Variants in UTP6 observed in about 807,000 individuals in gnomAD.
UTP6 encodes the protein UTP6 small subunit processome component.
In UTP6, 60 loss-of-function variants were observed where a neutral mutation model predicts 96.5. That is an observed-to-expected ratio of 0.62 (90% CI 0.51 to 0.77). UTP6 has a LOEUF of 0.77. Among genes scored for constraint, UTP6 ranks in the 30% least tolerant of loss-of-function variants. UTP6 has a pLI of 0.00. For missense variants in UTP6, 637 were observed against 706.5 expected (o/e 0.90, Z 1.12); for synonymous variants, 215 against 240.1 (o/e 0.90, Z 0.96).
intron 2 of UTP6, among the ~76,000 whole-genome samples, chr17:31,897,655 G>A (rs1227531031): frequency 6.6e-6 from 1 of 151,692 alleles, no homozygotes; most frequent in Non-Finnish European, 1.5e-5. Context: ...CACCATGTTG[G>A]CCAGGCTGGT....
chr17:31,894,856 T>C (rs1904540930), intron 3 of UTP6, 114 bp downstream of exon 3: 4 of 1,270,936 alleles, frequency 3.1e-6, no homozygotes, highest in Admixed American at 2.0e-5. Context: ...ATATCCATTA[T>C]AGGCATATCA....
At chr17:31,895,467 AATG>A (rs1364339135) in intron 2 of UTP6, among the ~76,000 whole-genome samples, 5 of 152,174 alleles carry the variant, frequency 3.3e-5, no homozygotes, top group Non-Finnish European at 7.3e-5. Context: ...ACTTTATTAT[AATG>A]ATGTCTTGAA....
chr17:31,873,800 A>G (rs1910332323), intron 14 of UTP6, 47 bp from the exon 15 acceptor site: 2 of 1,563,900 alleles, frequency 1.3e-6, no homozygotes, highest in South Asian at 2.4e-5. Flanking sequence ...CATATAACAA[A>G]ACATCGCATG....
chr17:31,877,106 C>T (rs536972310), intron 13 of UTP6, among the ~76,000 whole-genome samples: 52 of 152,260 alleles, frequency 3.4e-4, no homozygotes, highest in Admixed American at 1.3e-3. Flanking sequence ...CAGAGTTGGA[C>T]ATAACATAAA....
chr17:31,881,501 T>A (rs11080173), intron 10 of UTP6, among the ~76,000 whole-genome samples: 115,850 of 151,384 alleles, frequency 0.77, 44,664 homozygotes, highest in East Asian at 0.84. Context: ...ACTCTTGACC[T>A]CAAGTGATCC....
At chr17:31,873,577 A>G (rs1318665385) in intron 15 of UTP6, 90 bp from the exon 16 acceptor site, 3 of 1,602,614 alleles carry the variant, frequency 1.9e-6, no homozygotes, top group Admixed American at 1.7e-5. Context: ...AGGCCACTCC[A>G]TAGTGCTTTA....
Position 31,894,669 on chromosome 17 carries a change from G to A in UTP6, c.288C>T (p.Phe96=). The change falls in exon 4 of 19, where the codon TTC becomes TTT. Residue 96 remains phenylalanine (F), a synonymous_variant. Coordinates refer to ENST00000261708, the MANE Select transcript of UTP6 (RefSeq NM_018428.3). ...CTTTCCATTTTGCTGAGGCACGCTG[G>A]AAAACACCTTGTACCCGGTGTACAA... ...NSIVHRVQGV[F]QRASAKWKDD... 6.2e-7 allele frequency: 1 copy of A among 1,610,832 alleles called. No individual in the cohort carries two copies. Among genetic ancestry groups the A allele is most frequent in the East Asian group, 2.2e-5 (1 of 44,852 alleles).
intron 2 of UTP6, among the ~76,000 whole-genome samples, chr17:31,898,787 A>C (rs1904803148): frequency 6.6e-6 from 1 of 152,014 alleles, no homozygotes; most frequent in African/African-American, 2.4e-5. Flanking sequence ...CTGTAATCAT[A>C]GCACTCGCTT....
chr17:31,891,309 AC>A, intron 6 of UTP6, among the ~76,000 whole-genome samples: 1 of 152,270 alleles, frequency 6.6e-6, no homozygotes, highest in Middle Eastern at 3.4e-3. Context: ...TGGATCCCCT[AC>A]CTACTGATAT....
intron 16 of UTP6, among the ~76,000 whole-genome samples, chr17:31,868,596 G>A (rs533135584): frequency 1.3e-5 from 2 of 152,062 alleles, no homozygotes; most frequent in East Asian, 3.9e-4. Context: ...CTTCCAAAGT[G>A]CTAGGATTAC....
intron 14 of UTP6, 73 bp downstream of exon 14, chr17:31,875,161 A>C: frequency 6.4e-7 from 1 of 1,563,164 alleles, no homozygotes; most frequent in Non-Finnish European, 8.7e-7. Context: ...AGACAAGTAC[A>C]TTCCAAATGA....
chr17:31,880,425 TAAAA>T (rs775836222), intron 11 of UTP6, 144 bp downstream of exon 11: 646 of 666,244 alleles, frequency 9.7e-4, no homozygotes, highest in Non-Finnish European at 1.1e-3. Context: ...TGCCTCCCAA[TAAAA>T]AAAAAAAAAA....
chr17:31,883,197 A>G (rs1159843854), intron 10 of UTP6, among the ~76,000 whole-genome samples: 2 of 152,216 alleles, frequency 1.3e-5, no homozygotes, highest in Admixed American at 6.5e-5. Flanking sequence ...AAATAAAAAT[A>G]TAATAAAGAA....
chr17:31,894,685 C>A lies in UTP6; in HGVS notation c.272G>T (p.Arg91Leu), dbSNP rs775119896. ...KDEIENSIVH[R>L]VQGVFQRASA... The stretch of plus-strand genomic sequence containing the variant: ...GGCACGCTGGAAAACACCTTGTACC[C>A]GGTGTACAATAGAATTCTCAATCTC... The change falls in exon 4 of 19, where the codon CGG (arginine) becomes CTG (leucine). Residue 91 changes from arginine (R) to leucine (L), a missense_variant. Physicochemically the swap from Arg to Leu is moderately radical, Grantham distance 102. Transcript: ENST00000261708. 3 of 1,611,586 alleles carry A rather than the reference C, an allele frequency of 1.9e-6. No individual in the cohort carries two copies. Among genetic ancestry groups the A allele is most frequent in the East Asian group, 4.5e-5 (2 of 44,852 alleles).
rs1465221378 is a variant in UTP6 at position 31,899,683 on chromosome 17, C to T, written c.140G>A (p.Arg47Lys). The change falls in exon 2 of 19, where the codon AGA becomes AAA. Residue 47 changes from arginine to lysine, a missense_variant. Transcript: ENST00000261708. ...GATAAAGTCTTCCTTGAAAAGGGTTCTTCTCTGGATTTTGTACTCTAGATC... is the reference window on the plus strand; with the variant it reads ...GATAAAGTCTTCCTTGAAAAGGGTTTTTCTCTGGATTTTGTACTCTAGATC... Reference protein sequence around the residue: ...ASDLEYKIQRRTLFKEDFINY... With the variant: ...ASDLEYKIQRKTLFKEDFINY... The T allele has an allele frequency of 1.2e-6, 2 of 1,606,554 alleles. No individual in the cohort carries two copies. Among genetic ancestry groups the T allele is most frequent in the Non-Finnish European group, 1.7e-6 (2 of 1,176,672 alleles).
chr17:31,889,204 T>C, intron 7 of UTP6, 81 bp downstream of exon 7: 1 of 1,093,064 alleles, frequency 9.1e-7, no homozygotes, highest in Non-Finnish European at 1.3e-6. Flanking sequence ...TAAGAATTGC[T>C]TGAATCCAGG....
chr17:31,900,595 TAATA>T (rs1295858823), intron 1 of UTP6, among the ~76,000 whole-genome samples: 1 of 152,214 alleles, frequency 6.6e-6, no homozygotes, highest in Non-Finnish European at 1.5e-5. Flanking sequence ...TGGCTGGTAT[TAATA>T]AAGACTTCTT....
intron 11 of UTP6, 113 bp from the exon 12 acceptor site, chr17:31,878,894 G>C: frequency 2.1e-6 from 2 of 944,862 alleles, no homozygotes; most frequent in Non-Finnish European, 3.2e-6. Context: ...TACTTCAAGG[G>C]GAAAACTCTC....
rs549601729 is a variant in UTP6, at chr17:31,896,017, GA to G, written c.178-1007del. Among the ~76,000 whole-genome samples, 465 of 123,860 alleles carry G rather than the reference GA, an allele frequency of 3.8e-3. 1 individual carries two copies. The highest frequency in any genetic ancestry group is 8.5e-3 in the African/African-American group (302 of 35,502). The allele number at this position is 123,860 out of a possible 152,430, so 81.3% of individuals were successfully genotyped here. ...CGGAGCGAGACTCCATCTCAAAAAA[GA>G]AAAAAAAAAAAAAGTTTGCTCTTAT... On this transcript the variant is annotated intron_variant, in intron 2 of 18. Transcript: ENST00000261708.
Sources: allele counts gnomAD v4.1 joint callset (sites outside exome capture counted in the v4.1 genomes callset), GRCh38; gene constraint gnomAD v4.1.1; transcripts MANE v1.5; gene names NCBI Gene and HGNC (gene_info 2026-07-23, HGNC 2026-07-21).